Variants in SLFNL1 observed in about 807,000 individuals in gnomAD.
SLFNL1 encodes the protein schlafen like 1.
In SLFNL1, 26 loss-of-function variants were observed where a neutral mutation model predicts 32.5. The ratio of observed to expected loss-of-function variants is 0.80; its 90% CI spans 0.59 to 1.11. SLFNL1 has a LOEUF of 1.11. Among genes scored for constraint, SLFNL1 ranks in the 50% least tolerant of loss-of-function variants. The pLI, the probability that SLFNL1 is intolerant of heterozygous loss-of-function variation, is 0.00. For synonymous variants in SLFNL1, 255 were observed against 242.2 expected (o/e 1.05, Z -0.49); for missense variants, 553 against 546.5 (o/e 1.01, Z -0.12).
Position 41,017,797 on chromosome 1 carries a change from G to A in SLFNL1, c.795C>T (p.Ser265=), listed in dbSNP as rs750790060. Residue 265 remains serine, a synonymous_variant, in exon 4 of 6, where the codon AGC becomes AGT. Coordinates refer to ENST00000302946, the MANE Select transcript of SLFNL1 (RefSeq NM_144990.4). This position sits in a 1 kb window ranked among gnomAD's most constrained non-coding sequence, Gnocchi z 4.9. ...TGCAGCGGATGCCCTGCACCAGGCCGCTGTCCTCTACTCCCACGAGCAGGC... is the reference window on the plus strand; with the variant it reads ...TGCAGCGGATGCCCTGCACCAGGCCACTGTCCTCTACTCCCACGAGCAGGC... The part of the protein sequence containing the change: ...GGSLLVGVED[S]GLVQGIRCSH... 10 of 1,603,004 alleles carry A rather than the reference G, an allele frequency of 6.2e-6. No homozygotes were observed. Among genetic ancestry groups the A allele is most frequent in the South Asian group, 2.2e-5 (2 of 90,092 alleles).
At chr1:41,016,255 G>T (rs753021706) in intron 5 of SLFNL1, 27 bp from the exon 6 acceptor site, 1 of 1,612,198 alleles carries the variant, frequency 6.2e-7, no homozygotes, top group Non-Finnish European at 8.5e-7. Flanking sequence ...AAAGCATGTG[G>T]CCAAGCCCGC....
At position 41,020,517 on chromosome 1, in the gene SLFNL1, AGT is replaced by A. The variant is rs762844982; in HGVS notation, c.142_143del (p.Thr48SerfsTer36). On this transcript the variant is annotated frameshift_variant, in exon 3 of 6. Transcript: ENST00000302946. LOFTEE classifies it high-confidence loss of function. ...SDLEEAPSAH[T>X]LYVGHLNPQF... ...GGGGGTTCAGATGGCCCACATAGAG[AGT>A]GTGCGCCGAGGGAGCCTCCTCGAGG... 9.9e-6 allele frequency: 16 copies of A among 1,613,240 alleles called. No individual in the cohort carries two copies. The South Asian group carries it at 1.1e-4, about 11-fold the overall frequency.
chr1:41,020,821 A>G (rs1231930360), intron 2 of SLFNL1, 43 bp from the exon 3 acceptor site: 28 of 660,410 alleles, frequency 4.2e-5, no homozygotes, highest in Non-Finnish European at 6.9e-5. Flanking sequence ...AGGGCCAGAG[A>G]GAGGGAGGGC....
Position 41,020,550 on chromosome 1 carries a change from G to T in SLFNL1, c.111C>A (p.Tyr37Ter). Residue 37 changes from tyrosine (Y) to a stop codon, truncating the protein, a stop_gained, in exon 3 of 6, where the codon TAC becomes TAA. Transcript: ENST00000302946. LOFTEE classifies it high-confidence loss of function. ...CCGAGGGAGCCTCCTCGAGGTCAGA[G>T]TACTCCGTCAGGGACTGCTCTGCGG... ...ELPAEQSLTE[Y>*]SDLEEAPSAH... is the part of the protein sequence containing the mutation. The T allele has an allele frequency of 6.2e-7, 1 of 1,613,560 alleles. No homozygotes were observed. Among genetic ancestry groups the T allele is most frequent in the African/African-American group, 1.3e-5 (1 of 75,062 alleles).
intron 3 of SLFNL1, 66 bp from the exon 4 acceptor site, chr1:41,018,222 G>C: frequency 7.1e-7 from 1 of 1,410,418 alleles, no homozygotes; most frequent in Non-Finnish European, 9.3e-7. Flanking sequence ...ACCCTGAGAA[G>C]GACTGCAAGA....
At position 41,015,894 on chromosome 1, in the gene SLFNL1, G is replaced by A; in HGVS notation, c.*212C>T. 1 of 556,344 alleles carries A rather than the reference G, an allele frequency of 1.8e-6. No individual in the cohort carries two copies. The highest frequency in any genetic ancestry group is 3.1e-6 in the Non-Finnish European group (1 of 323,254). The allele number at this position is 556,344 out of a possible 1,614,324, so 34.5% of individuals were successfully genotyped here. A position where few individuals can be genotyped will look rare whatever the true frequency, so the allele number is the denominator to read the frequency against. Reference sequence around the variant, plus strand: ...ATTCTTTCTGAAAGTAAGGTCATTTGGGGACAGGGCTGAGAGCAGTTTCTT... The same window carrying A: ...ATTCTTTCTGAAAGTAAGGTCATTTAGGGACAGGGCTGAGAGCAGTTTCTT... On this transcript the variant is annotated 3_prime_UTR_variant, in exon 6 of 6. Transcript: ENST00000302946.
Position 41,015,739 on chromosome 1 carries a change from A to G in SLFNL1, c.*367T>C, listed in dbSNP as rs1197284359. 5.9e-6 allele frequency: 1 copy of G among 169,766 alleles called. No individual in the cohort carries two copies. The highest frequency in any genetic ancestry group is 1.2e-5 in the Non-Finnish European group (1 of 80,246). The allele number at this position is 169,766 out of a possible 1,614,324, so 10.5% of individuals were successfully genotyped here. On this transcript the variant is annotated 3_prime_UTR_variant, in exon 6 of 6. Coordinates refer to ENST00000302946, the MANE Select transcript of SLFNL1 (RefSeq NM_144990.4). The stretch of plus-strand genomic sequence containing the variant: ...ATCTTTGAGGGGCTTTCCTGAGATG[A>G]CAGATTCCTTTCTGGCACTGTGTAG...
chr1:41,017,437 C>T lies in SLFNL1; in HGVS notation c.958-60G>A. ...CCCCTCACGGTCGGCAGCCCCCATC[C>T]TGCCAGGCTGCTCAGCATTGCTCAC... is the stretch of plus-strand genomic sequence containing the variant. On this transcript the variant is annotated intron_variant, in intron 4 of 5. Transcript: ENST00000302946. This position sits in a 1 kb window ranked among gnomAD's most constrained non-coding sequence, Gnocchi z 4.9. The T allele has an allele frequency of 6.3e-7, 1 of 1,577,860 alleles. No individual in the cohort carries two copies.
chr1:41,017,412 C>T lies in SLFNL1; in HGVS notation c.958-35G>A, dbSNP rs548959885. On this transcript the variant is annotated intron_variant, in intron 4 of 5. Transcript: ENST00000302946. This position sits in a 1 kb window ranked among gnomAD's most constrained non-coding sequence, Gnocchi z 4.9. ...GGCAACAGCAGCTCTGGAGGCGCCGCCCCTCACGGTCGGCAGCCCCCATCC... is the reference window on the plus strand; with the variant it reads ...GGCAACAGCAGCTCTGGAGGCGCCGTCCCTCACGGTCGGCAGCCCCCATCC... 1.1e-4 allele frequency: 168 copies of T among 1,598,102 alleles called. 1 individual carries two copies. In the South Asian group the frequency reaches 1.7e-3, roughly 16 times the overall value.
chr1:41,021,234 A>G (rs1338774705), intron 1 of SLFNL1: 2 of 154,528 alleles, frequency 1.3e-5, no homozygotes, highest in African/African-American at 4.8e-5. Context: ...GAAACTAGGC[A>G]GCGCTGGGGC....
In SLFNL1 at chr1:41,017,852, A is replaced by G; in HGVS notation, c.740T>C (p.Val247Ala). ...LAFKHHVRRY[V>A]CAFLNSEGGS... is the part of the protein sequence containing the mutation. Reference sequence around the variant, plus strand: ...GCCCTCGCTGTTGAGGAAGGCGCACACGTAGCGCCGCACGTGGTGCTTGAA... The same window carrying G: ...GCCCTCGCTGTTGAGGAAGGCGCACGCGTAGCGCCGCACGTGGTGCTTGAA... The change falls in exon 4 of 6, where the codon GTG (valine) becomes GCG (alanine). Residue 247 changes from valine to alanine, a missense_variant. Physicochemically the swap from Val to Ala is moderately conservative, Grantham distance 64 (BLOSUM62 0). Coordinates refer to ENST00000302946, the MANE Select transcript of SLFNL1 (RefSeq NM_144990.4). This position sits in a 1 kb window ranked among gnomAD's most constrained non-coding sequence, Gnocchi z 4.9. The G allele has an allele frequency of 1.2e-6, 2 of 1,603,318 alleles. No individual in the cohort carries two copies. The highest frequency in any genetic ancestry group is 2.2e-5 in the East Asian group (1 of 44,542).
At chr1:41,018,828 GTTT>G (rs34061852) in intron 3 of SLFNL1, among the ~76,000 whole-genome samples, 1 of 60,642 alleles carries the variant, frequency 1.6e-5, no homozygotes, top group Admixed American at 2.8e-4. Context: ...CAACCCTCCT[GTTT>G]TTTTTTTTTT....
chr1:41,019,674 C>T (rs745784347), intron 3 of SLFNL1, among the ~76,000 whole-genome samples: 7 of 152,226 alleles, frequency 4.6e-5, no homozygotes, highest in Non-Finnish European at 8.8e-5. Flanking sequence ...CCCTAAGTCC[C>T]GGCCTGGATT....
Position 41,015,873 on chromosome 1 carries a change from T to G in SLFNL1, c.*233A>C. The G allele has an allele frequency of 2.1e-6, 1 of 477,850 alleles. No individual in the cohort carries two copies. Among genetic ancestry groups the G allele is most frequent in the Non-Finnish European group, 3.7e-6 (1 of 272,860 alleles). 29.6% of individuals were successfully genotyped at this position (477,850 alleles called of 1,614,324 possible). A position where few individuals can be genotyped will look rare whatever the true frequency, so the allele number is the denominator to read the frequency against. ...GCTCTGGGCAGGGTTTTACACATTC[T>G]TTCTGAAAGTAAGGTCATTTGGGGA... On this transcript the variant is annotated 3_prime_UTR_variant, in exon 6 of 6. Coordinates refer to ENST00000302946, the MANE Select transcript of SLFNL1 (RefSeq NM_144990.4).
rs777259636 is a variant in SLFNL1, at chr1:41,018,024, C to T, written c.568G>A (p.Gly190Ser). Residue 190 changes from glycine (G) to serine (S), a missense_variant, in exon 4 of 6, where the codon GGC becomes AGC. Physicochemically the swap from Gly to Ser is moderately conservative, Grantham distance 56. Transcript: ENST00000302946. Reference sequence around the variant, plus strand: ...TCGGAGCACACGCCGCTGGGCCGGCCCTGGCAGCTCTGCAGCTGCTGGGCC... The same window carrying T: ...TCGGAGCACACGCCGCTGGGCCGGCTCTGGCAGCTCTGCAGCTGCTGGGCC... ...PQAQQLQSCQGRPSGVCSDSA... is the reference protein window; with the variant it reads ...PQAQQLQSCQSRPSGVCSDSA... 1 of 1,600,058 alleles carries T rather than the reference C, an allele frequency of 6.2e-7. No individual in the cohort carries two copies. Among genetic ancestry groups the T allele is most frequent in the Non-Finnish European group, 8.5e-7 (1 of 1,174,220 alleles).
Position 41,017,592 on chromosome 1 carries a change from G to A in SLFNL1, c.957+43C>T. On this transcript the variant is annotated intron_variant, in intron 4 of 5. Transcript: ENST00000302946. This position sits in a 1 kb window ranked among gnomAD's most constrained non-coding sequence, Gnocchi z 4.9. ...GCAGGCCATCGTCTTACTGAGTGAT[G>A]ACAGATGACAGGCCCAGAGGCCCTC... The A allele has an allele frequency of 6.6e-7, 1 of 1,511,108 alleles. No individual in the cohort carries two copies. Among genetic ancestry groups the A allele is most frequent in the Non-Finnish European group, 8.8e-7 (1 of 1,130,000 alleles). The allele number at this position is 1,511,108 out of a possible 1,614,324, so 93.6% of individuals were successfully genotyped here.
intron 3 of SLFNL1, among the ~76,000 whole-genome samples, chr1:41,018,964 C>T (rs1002877588): frequency 6.6e-6 from 1 of 151,682 alleles, no homozygotes; most frequent in Non-Finnish European, 1.5e-5. Flanking sequence ...CTCAGCCTCC[C>T]GAGTAGCTGG....
At position 41,017,612 on chromosome 1, in the gene SLFNL1, GC is replaced by G; in HGVS notation, c.957+22del. On this transcript the variant is annotated intron_variant, in intron 4 of 5. Transcript: ENST00000302946. The surrounding 1 kb of genome is among the most constrained non-coding windows in gnomAD (Gnocchi z 4.9). ...GTGATGACAGATGACAGGCCCAGAG[GC>G]CCTCCTGTCCTGCAGGCTCACCTTG... The G allele has an allele frequency of 6.6e-7, 1 of 1,514,436 alleles. No homozygotes were observed. Among genetic ancestry groups the G allele is most frequent in the Non-Finnish European group, 8.8e-7 (1 of 1,131,102 alleles). 93.8% of individuals were successfully genotyped at this position (1,514,436 alleles called of 1,614,324 possible). A position where few individuals can be genotyped will look rare whatever the true frequency, so the allele number is the denominator to read the frequency against.
Position 41,017,236 on chromosome 1 carries a change from G to A in SLFNL1, c.1099C>T (p.Gln367Ter), listed in dbSNP as rs1391218171. 5 of 1,569,956 alleles carry A rather than the reference G, an allele frequency of 3.2e-6. No individual in the cohort carries two copies. Among genetic ancestry groups the A allele is most frequent in the South Asian group, 1.2e-5 (1 of 86,526 alleles). ...CCCACTGGCCTCAGCTTCCGTACCT[G>A]CCTGCACCACTCCTGGATGGCGCTG... Reference protein sequence around the residue: ...SASAIQEWCRQRWLVELGKLE... With the variant: ...SASAIQEWCR Residue 367 changes from glutamine to a stop codon, truncating the protein, a stop_gained and splice_region_variant, in exon 5 of 6, where the codon CAG becomes TAG. Transcript: ENST00000302946. LOFTEE classifies it high-confidence loss of function. This position sits in a 1 kb window ranked among gnomAD's most constrained non-coding sequence, Gnocchi z 4.9.
Sources: gnomAD v4.1 joint callset for allele counts (sites outside exome capture counted in the v4.1 genomes callset) on GRCh38, gnomAD v4.1.1 for gene constraint, Gnocchi (gnomAD v3.1) non-coding constraint, MANE v1.5 for transcripts, NCBI Gene and HGNC (gene_info 2026-07-23, HGNC 2026-07-21) for gene names.